CDH8: variants seen among roughly 807,000 people sequenced by gnomAD.
The protein encoded by CDH8 is cadherin-8.
A neutral mutation model predicts 68.1 loss-of-function variants in CDH8; 17 were observed. The ratio of observed to expected loss-of-function variants is 0.25; its 90% CI spans 0.17 to 0.37. The LOEUF is 0.37. CDH8 is among the 10% of genes least tolerant of loss of function. The pLI is 1.00. For missense variants in CDH8, 763 were observed against 999.3 expected (o/e 0.76, Z 3.19); for synonymous variants, 372 against 365.1 (o/e 1.02, Z -0.21).
At chr16:61,675,630 A>AAT (rs1555501745) in intron 10 of CDH8, among the ~76,000 whole-genome samples, 1 of 148,344 alleles carries the variant, frequency 6.7e-6, no homozygotes, top group Admixed American at 6.7e-5. Context: ...AAAAAAATAA[A>AAT]AAAAAATAAA....
At chr16:61,692,321 A>G (rs935740941) in intron 10 of CDH8, 1 of 152,138 alleles carries the variant, frequency 6.6e-6, no homozygotes, top group African/African-American at 2.4e-5. Context: ...CACTCTTGCT[A>G]CGCGTCATTA....
intron 3 of CDH8, among the ~76,000 whole-genome samples, chr16:61,877,867 A>C (rs1258840141): frequency 6.6e-6 from 1 of 152,204 alleles, no homozygotes; most frequent in Non-Finnish European, 1.5e-5. Flanking sequence ...GCCCACAATC[A>C]TAAACAGTAA....
At chr16:61,910,393 T>C (rs1304899932) in intron 2 of CDH8, among the ~76,000 whole-genome samples, 2 of 151,432 alleles carry the variant, frequency 1.3e-5, no homozygotes, top group Non-Finnish European at 2.9e-5. Context: ...TTTTCTTATG[T>C]ATGCTGATAA....
chr16:61,927,513 TTTAG>T (rs1316999741), intron 2 of CDH8, among the ~76,000 whole-genome samples: 4 of 152,172 alleles, frequency 2.6e-5, no homozygotes, highest in African/African-American at 9.7e-5. Flanking sequence ...CAATTATAAT[TTTAG>T]TTAGATATAT....
chr16:62,026,991 G>A (rs1274330184), intron 1 of CDH8, among the ~76,000 whole-genome samples: 1 of 152,204 alleles, frequency 6.6e-6, no homozygotes, highest in Non-Finnish European at 1.5e-5. Flanking sequence ...AGAAGAAATT[G>A]AGCAAGGTTG....
At chr16:61,874,985 T>C (rs1567509899) in intron 3 of CDH8, among the ~76,000 whole-genome samples, 3 of 152,180 alleles carry the variant, frequency 2.0e-5, no homozygotes, top group South Asian at 4.1e-4. Flanking sequence ...GCATGAAACT[T>C]ACCATGACAG....
intron 7 of CDH8, among the ~76,000 whole-genome samples, chr16:61,800,786 T>C (rs9929274): frequency 0.54 from 82,705 of 152,068 alleles, 25,033 homozygotes; most frequent in African/African-American, 0.83. Context: ...TGCAATATTA[T>C]GTTTTCCTCT....
At chr16:61,876,754 C>A (rs1963469428) in intron 3 of CDH8, among the ~76,000 whole-genome samples, 1 of 151,966 alleles carries the variant, frequency 6.6e-6, no homozygotes, top group African/African-American at 2.4e-5. Flanking sequence ...CCACCAAGAA[C>A]AAATTACTGT....
At chr16:61,706,159 A>C (rs11648619) in intron 10 of CDH8, among the ~76,000 whole-genome samples, 94,593 of 152,134 alleles carry the variant, frequency 0.62, 31,000 homozygotes, top group African/African-American at 0.84. Flanking sequence ...CAGAGAAAAG[A>C]AAAGAGGAAA....
intron 2 of CDH8, among the ~76,000 whole-genome samples, chr16:61,913,872 C>A (rs1018397925): frequency 6.6e-6 from 1 of 152,012 alleles, no homozygotes. Flanking sequence ...CAAAAATAAT[C>A]ATTTCAAGCC....
chr16:61,814,879 G>T (rs1962037388), intron 7 of CDH8, among the ~76,000 whole-genome samples: 1 of 152,206 alleles, frequency 6.6e-6, no homozygotes. Flanking sequence ...TCCAACTGGG[G>T]TGGAGGTGGG....
chr16:61,851,649 G>A (rs1005267169), intron 4 of CDH8, among the ~76,000 whole-genome samples: 5 of 148,480 alleles, frequency 3.4e-5, no homozygotes, highest in Non-Finnish European at 3.0e-5. Flanking sequence ...GGGTGGCAGG[G>A]AGGGGAAAAC....
chr16:61,902,728 A>T (rs1436608877), intron 2 of CDH8, among the ~76,000 whole-genome samples: 1 of 152,190 alleles, frequency 6.6e-6, no homozygotes, highest in African/African-American at 2.4e-5. Context: ...GTGAAAAGAA[A>T]GGCTTATAAA....
intron 2 of CDH8, among the ~76,000 whole-genome samples, chr16:62,006,021 G>A (rs1171804530): frequency 1.3e-5 from 2 of 152,174 alleles, no homozygotes; most frequent in Admixed American, 1.3e-4. Context: ...ACTTTGAATG[G>A]TGAAGAGTTA....
chr16:61,944,167 A>C (rs1388668285), intron 2 of CDH8, among the ~76,000 whole-genome samples: 1 of 152,204 alleles, frequency 6.6e-6, no homozygotes. Context: ...GTGAGGCTGG[A>C]ATGAGACAAT....
chr16:61,807,891 T>G (rs761789862), intron 7 of CDH8, among the ~76,000 whole-genome samples: 1 of 152,208 alleles, frequency 6.6e-6, no homozygotes, highest in Non-Finnish European at 1.5e-5. Context: ...TTTCCTTTCA[T>G]AGGTGGCAAT....
chr16:61,934,196 T>C (rs8059568), intron 2 of CDH8: 77,005 of 151,982 alleles, frequency 0.51, 21,957 homozygotes, highest in African/African-American at 0.78. Context: ...TGCTGAGAAC[T>C]CCAGGCACAC....
rs34908496 is a variant in CDH8, at chr16:61,713,977, C to G, written c.1537-19G>C. ...GAATGACCTGAAACATAAAACTTGA[C>G]GTCAGCATTTCTGATGATTTCAGAG... On this transcript the variant is annotated intron_variant, in intron 9 of 11. Transcript: ENST00000577390. The G allele has an allele frequency of 7.0e-7, 1 of 1,420,286 alleles. No individual in the cohort carries two copies. Among genetic ancestry groups the G allele is most frequent in the African/African-American group, 1.4e-5 (1 of 70,938 alleles). 88.0% of individuals were successfully genotyped at this position (1,420,286 alleles called of 1,614,324 possible).
At chr16:61,801,083 G>A (rs1961614515) in intron 7 of CDH8, among the ~76,000 whole-genome samples, 1 of 151,460 alleles carries the variant, frequency 6.6e-6, no homozygotes, top group African/African-American at 2.4e-5. Context: ...GTTCCCTAGA[G>A]AATACAGAAG....
Sources: gnomAD v4.1 joint callset for allele counts (sites outside exome capture counted in the v4.1 genomes callset) on GRCh38, gnomAD v4.1.1 for gene constraint, MANE v1.5 for transcripts, NCBI Gene and HGNC (gene_info 2026-07-23, HGNC 2026-07-21) for gene names.